LRRC4C: variants seen among roughly 807,000 people sequenced by gnomAD.
LRRC4C encodes leucine-rich repeat-containing protein 4C.
In LRRC4C, 5 loss-of-function variants were observed where a neutral mutation model predicts 33.6. The ratio of observed to expected loss-of-function variants is 0.15; its 90% CI spans 0.08 to 0.31. LRRC4C has a LOEUF of 0.31. Among genes scored for constraint, LRRC4C ranks in the 10% least tolerant of loss-of-function variants. The pLI is 1.00. For missense variants in LRRC4C, 560 were observed against 796.7 expected, an observed-to-expected ratio of 0.70 and a Z score of 3.58; for synonymous variants, 329 against 302.0, an observed-to-expected ratio of 1.09 and a Z score of -0.93.
At chr11:40,624,959 T>C (rs964783051) in intron 3 of LRRC4C, among the ~76,000 whole-genome samples, 1 of 152,064 alleles carries the variant, frequency 6.6e-6, no homozygotes, top group Non-Finnish European at 1.5e-5. Context: ...CTCAAAGGAA[T>C]AAATAATAAT....
chr11:41,141,384 A>G (rs1275252060), intron 1 of LRRC4C, among the ~76,000 whole-genome samples: 1 of 152,146 alleles, frequency 6.6e-6, no homozygotes, highest in Admixed American at 6.6e-5. Flanking sequence ...TTAAAAAAAA[A>G]GATCCAACTG....
chr11:40,246,286 C>T (rs1478803081), intron 4 of LRRC4C, among the ~76,000 whole-genome samples: 2 of 152,000 alleles, frequency 1.3e-5, no homozygotes, highest in African/African-American at 2.4e-5. Context: ...AAAGTCCTAA[C>T]TTTTTATCAA....
At chr11:40,653,185 A>T (rs1942908868) in intron 2 of LRRC4C, among the ~76,000 whole-genome samples, 1 of 152,224 alleles carries the variant, frequency 6.6e-6, no homozygotes, top group African/African-American at 2.4e-5. Context: ...CGGTGCTGAT[A>T]TAAAGATACC....
chr11:40,474,456 G>T (rs1296816349), intron 3 of LRRC4C, among the ~76,000 whole-genome samples: 2 of 152,068 alleles, frequency 1.3e-5, no homozygotes, highest in African/African-American at 4.8e-5. Context: ...AGACTTAAAC[G>T]TAAGACCTAA....
intron 3 of LRRC4C, among the ~76,000 whole-genome samples, chr11:40,511,359 G>A (rs1955306724): frequency 6.6e-6 from 1 of 152,128 alleles, no homozygotes; most frequent in African/African-American, 2.4e-5. Context: ...AAAGAAAAAT[G>A]GCCTAGAAGC....
intron 3 of LRRC4C, among the ~76,000 whole-genome samples, chr11:40,377,350 T>A (rs1948700099): frequency 6.6e-6 from 1 of 152,158 alleles, no homozygotes; most frequent in Admixed American, 6.5e-5. Context: ...TGTACATCCT[T>A]ATGAAGAAAA....
intron 2 of LRRC4C, among the ~76,000 whole-genome samples, chr11:40,716,072 C>T (rs1946698527): frequency 6.6e-6 from 1 of 151,352 alleles, no homozygotes; most frequent in South Asian, 2.1e-4. Context: ...AAACCCAGGG[C>T]CTAGAAAAAA....
At chr11:40,942,072 G>T (rs902960620) in intron 1 of LRRC4C, among the ~76,000 whole-genome samples, 1 of 152,102 alleles carries the variant, frequency 6.6e-6, no homozygotes, top group Admixed American at 6.6e-5. Flanking sequence ...CATGTGTGAA[G>T]GAGAATGGAA....
At chr11:40,785,347 T>A (rs928068041) in intron 2 of LRRC4C, among the ~76,000 whole-genome samples, 4 of 152,136 alleles carry the variant, frequency 2.6e-5, no homozygotes, top group East Asian at 1.9e-4. Context: ...TGCAAAAAAA[T>A]TTATTTTTCT....
chr11:40,342,387 T>C lies in LRRC4C; in HGVS notation c.-269-22666A>G, dbSNP rs2137018824. 2.0e-5 allele frequency among the ~76,000 whole-genome samples: 3 copies of C among 152,222 alleles called. No homozygotes were observed. The South Asian group carries it at 6.2e-4, about 32-fold the overall frequency. ...AGGAGGCTGAGGCTGGAGGATCCCT[T>C]GAACCCAGGAGGTGGAGGTTGCAGT... On this transcript the variant is annotated intron_variant, in intron 3 of 6. Transcript: ENST00000528697.
chr11:41,080,661 T>C (rs1242320955), intron 1 of LRRC4C, among the ~76,000 whole-genome samples: 2 of 152,262 alleles, frequency 1.3e-5, no homozygotes, highest in Admixed American at 1.3e-4. Context: ...CCTATCAGAA[T>C]CTTTTCTATT....
At chr11:41,140,275 A>G (rs1325984325) in intron 1 of LRRC4C, among the ~76,000 whole-genome samples, 1 of 152,162 alleles carries the variant, frequency 6.6e-6, no homozygotes, top group African/African-American at 2.4e-5. Flanking sequence ...GTTTCTGGAA[A>G]TGCCTGGCTG....
chr11:41,385,168 G>A (rs1253941798), intron 1 of LRRC4C, among the ~76,000 whole-genome samples: 4 of 151,082 alleles, frequency 2.6e-5, no homozygotes, highest in Non-Finnish European at 5.9e-5. Context: ...TCAATTGGGA[G>A]ATTCTCTCGA....
At chr11:40,174,129 A>G (rs146772965) in intron 5 of LRRC4C, among the ~76,000 whole-genome samples, 47 of 152,300 alleles carry the variant, frequency 3.1e-4, no homozygotes, top group African/African-American at 1.1e-3. Flanking sequence ...TGGTGTTAGC[A>G]CGCTGCATGA....
chr11:40,906,432 AT>A (rs1227888578), intron 2 of LRRC4C, among the ~76,000 whole-genome samples: 1 of 152,132 alleles, frequency 6.6e-6, no homozygotes, highest in Non-Finnish European at 1.5e-5. Context: ...AATTGCTTGA[AT>A]TTGGGAGGCG....
chr11:40,947,946 T>C (rs371862646), intron 1 of LRRC4C, among the ~76,000 whole-genome samples: 4 of 152,292 alleles, frequency 2.6e-5, no homozygotes, highest in South Asian at 2.1e-4. Context: ...TTGACTACCA[T>C]TGTGTTGAGT....
rs371774782 is a variant in LRRC4C at position 40,698,198 on chromosome 11, G to A, written c.-406-49920C>T. Among the ~76,000 whole-genome samples the A allele has an allele frequency of 1.1e-4, 17 of 151,930 alleles. No individual in the cohort carries two copies. The East Asian group carries it at 3.3e-3, about 29-fold the overall frequency. On this transcript the variant is annotated intron_variant, in intron 2 of 6. Transcript: ENST00000528697. ...CATTTAAAAATTGCTTTTTCATATG[G>A]TTATGCAGTACAGTTCAAGGAAATG...
intron 2 of LRRC4C, among the ~76,000 whole-genome samples, chr11:40,836,473 T>G (rs959680994): frequency 6.6e-6 from 1 of 152,222 alleles, no homozygotes; most frequent in African/African-American, 2.4e-5. Context: ...ATTGATCTTA[T>G]GCACTCTTTA....
intron 1 of LRRC4C, among the ~76,000 whole-genome samples, chr11:41,183,444 C>T (rs540239930): frequency 6.6e-6 from 1 of 152,226 alleles, no homozygotes; most frequent in Admixed American, 6.5e-5. Context: ...GGGCTACAGG[C>T]CCCAGGGAAG....
Sources: allele counts gnomAD v4.1 joint callset (sites outside exome capture counted in the v4.1 genomes callset), GRCh38; gene constraint gnomAD v4.1.1; transcripts MANE v1.5; gene names NCBI Gene and HGNC (gene_info 2026-07-23, HGNC 2026-07-21).